GTF2F2: variants seen among roughly 807,000 people sequenced by gnomAD.
GTF2F2 encodes the protein ATP-dependent helicase GTF2F2.
In GTF2F2, 23 loss-of-function variants were observed where a neutral mutation model predicts 42.2. The ratio of observed to expected loss-of-function variants is 0.55; its 90% CI spans 0.39 to 0.77. The LOEUF is 0.77. Ranked by LOEUF, GTF2F2 falls within the 30% of genes least tolerant of loss-of-function variation. The pLI is 0.00. For missense variants in GTF2F2, 261 were observed against 287.2 expected (o/e 0.91, Z 0.66); for synonymous variants, 105 against 100.8 (o/e 1.04, Z -0.25).
intron 4 of GTF2F2, among the ~76,000 whole-genome samples, chr13:45,167,204 A>C (rs960760312): frequency 1.4e-4 from 21 of 151,080 alleles, no homozygotes; most frequent in Non-Finnish European, 2.4e-4. Flanking sequence ...AAAGCCCTAC[A>C]GACACATACT....
intron 6 of GTF2F2, among the ~76,000 whole-genome samples, chr13:45,259,593 T>C (rs1876245546): frequency 6.8e-6 from 1 of 147,198 alleles, no homozygotes. Context: ...CTGTTGAGGG[T>C]GGGGTGTTCA....
intron 4 of GTF2F2, among the ~76,000 whole-genome samples, chr13:45,152,387 C>G (rs1870543125): frequency 6.6e-6 from 1 of 152,142 alleles, no homozygotes; most frequent in Non-Finnish European, 1.5e-5. Flanking sequence ...AGATGTAGAA[C>G]AAAGCAGATG....
chr13:45,165,902 C>T (rs1361864158), intron 4 of GTF2F2, among the ~76,000 whole-genome samples: 2 of 139,274 alleles, frequency 1.4e-5, no homozygotes, highest in African/African-American at 5.4e-5. Flanking sequence ...CAACCTCTGT[C>T]TCCCAGGTTC....
chr13:45,131,897 C>CAAAAAAAAAAAAAAAA (rs765260379), intron 1 of GTF2F2, among the ~76,000 whole-genome samples: 1 of 53,184 alleles, frequency 1.9e-5, no homozygotes, highest in African/African-American at 5.6e-5. Flanking sequence ...GACCCTGTCT[C>CAAAAAAAAAAAAAAAA]AAAAAAAAAA....
rs1232825230 is a variant in GTF2F2 at position 45,212,444 on chromosome 13, C to CTTTCTTTCTTTTCTTTTCTTTTCT, written c.386+4941_386+4942insTCTTTCTTTTCTTTTCTTTTCTTT. Among the ~76,000 whole-genome samples the CTTTCTTTCTTTTCTTTTCTTTTCT allele has an allele frequency of 4.1e-5, 3 of 72,648 alleles. 1 individual carries two copies. The East Asian group carries it at 1.6e-3, about 38-fold the overall frequency. The allele number at this position is 72,648 out of a possible 152,430, so 47.7% of individuals were successfully genotyped here. A position where few individuals can be genotyped will look rare whatever the true frequency, so the allele number is the denominator to read the frequency against. On this transcript the variant is annotated intron_variant, in intron 5 of 7. Transcript: ENST00000340473. ...GATTGATTTCTTTCTTTCTTTCTTT[C>CTTTCTTTCTTTTCTTTTCTTTTCT]TTGTTTCTTTCTTTCTTTCTTTCTT...
At chr13:45,194,465 T>A in intron 4 of GTF2F2, 1 of 1,614,128 alleles carries the variant, frequency 6.2e-7, no homozygotes, top group Non-Finnish European at 8.5e-7. Context: ...TTGAGGGTCA[T>A]CAGTGTGGAT....
At chr13:45,148,930 A>T (rs956745288) in intron 2 of GTF2F2, among the ~76,000 whole-genome samples, 2 of 152,198 alleles carry the variant, frequency 1.3e-5, no homozygotes, top group African/African-American at 4.8e-5. Flanking sequence ...TGTATTAAAA[A>T]TATTTATATG....
chr13:45,146,649 A>G (rs1870208112), intron 2 of GTF2F2, among the ~76,000 whole-genome samples: 1 of 152,232 alleles, frequency 6.6e-6, no homozygotes, highest in South Asian at 2.1e-4. Context: ...GTGTAAGAAA[A>G]AGGAAAGACA....
chr13:45,183,857 C>CT (rs1016490460), intron 4 of GTF2F2, among the ~76,000 whole-genome samples: 6 of 151,078 alleles, frequency 4.0e-5, no homozygotes, highest in Admixed American at 6.6e-5. Context: ...CTTCTTTTTT[C>CT]TTTTTTTTTC....
chr13:45,243,941 G>A (rs1454664799), intron 5 of GTF2F2, among the ~76,000 whole-genome samples: 3 of 152,206 alleles, frequency 2.0e-5, no homozygotes, highest in Non-Finnish European at 4.4e-5. Context: ...GATTACAGGC[G>A]TGAGCCACTG....
At chr13:45,222,268 T>C (rs570044218) in intron 5 of GTF2F2, among the ~76,000 whole-genome samples, 2 of 152,268 alleles carry the variant, frequency 1.3e-5, no homozygotes, top group East Asian at 3.9e-4. Context: ...TTTTAGGAGA[T>C]TTATCTGAAG....
intron 4 of GTF2F2, among the ~76,000 whole-genome samples, chr13:45,161,295 T>C (rs1871023671): frequency 1.3e-5 from 2 of 152,146 alleles, no homozygotes; most frequent in Non-Finnish European, 2.9e-5. Flanking sequence ...TAAGAAAATA[T>C]TTTGACCTTG....
At chr13:45,152,652 C>T (rs984611058) in intron 4 of GTF2F2, among the ~76,000 whole-genome samples, 1 of 152,108 alleles carries the variant, frequency 6.6e-6, no homozygotes, top group South Asian at 2.1e-4. Flanking sequence ...GAAGTTTCTG[C>T]GTAGAGTTTT....
intron 4 of GTF2F2, among the ~76,000 whole-genome samples, chr13:45,172,195 A>T (rs187878288): frequency 4.6e-5 from 7 of 152,332 alleles, no homozygotes; most frequent in Admixed American, 4.6e-4. Flanking sequence ...CCCTTTGATT[A>T]TAGCCAACCA....
intron 7 of GTF2F2, among the ~76,000 whole-genome samples, chr13:45,271,543 C>T (rs1266684400): frequency 6.6e-6 from 1 of 151,598 alleles, no homozygotes; most frequent in Non-Finnish European, 1.5e-5. Context: ...CCACCACACC[C>T]AGCTAATTTT....
intron 7 of GTF2F2, among the ~76,000 whole-genome samples, chr13:45,277,148 C>G (rs1175132049): frequency 6.6e-6 from 1 of 152,160 alleles, no homozygotes; most frequent in East Asian, 1.9e-4. Flanking sequence ...CTAGCATCGC[C>G]TTTCCTCTAA....
intron 4 of GTF2F2, among the ~76,000 whole-genome samples, chr13:45,178,440 TA>T (rs1335609314): frequency 1.3e-5 from 2 of 150,538 alleles, no homozygotes; most frequent in African/African-American, 4.9e-5. Flanking sequence ...TTTTTTTTTT[TA>T]ATCACAGTCC....
At chr13:45,199,686 T>C (rs1873079183) in intron 4 of GTF2F2, among the ~76,000 whole-genome samples, 1 of 152,218 alleles carries the variant, frequency 6.6e-6, no homozygotes, top group Admixed American at 6.5e-5. Flanking sequence ...ACTTTCTCTT[T>C]GGGAAGAAGA....
At chr13:45,281,610 C>T (rs1566161417) in intron 7 of GTF2F2, among the ~76,000 whole-genome samples, 1 of 152,138 alleles carries the variant, frequency 6.6e-6, no homozygotes, top group African/African-American at 2.4e-5. Context: ...CTGGGCCTAG[C>T]CCAAGAGACT....
Sources: gnomAD v4.1 joint callset for allele counts (sites outside exome capture counted in the v4.1 genomes callset) on GRCh38, gnomAD v4.1.1 for gene constraint, MANE v1.5 for transcripts, NCBI Gene and HGNC (gene_info 2026-07-23, HGNC 2026-07-21) for gene names.